Variants in A1CF observed in about 807,000 individuals in gnomAD.
The protein encoded by A1CF is APOBEC1 complementation factor.
A1CF carries 48 observed loss-of-function variants against 68.9 expected under a neutral mutation model. The ratio of observed to expected loss-of-function variants is 0.70; its 90% confidence interval spans 0.55 to 0.89. The LOEUF is 0.89. Ranked by LOEUF, A1CF falls within the 40% of genes least tolerant of loss-of-function variation. The pLI is 0.00. For synonymous variants in A1CF, 272 were observed against 260.4 expected, an observed-to-expected ratio of 1.04 and a Z score of -0.43; for missense variants, 653 against 718.9, an observed-to-expected ratio of 0.91 and a Z score of 1.05.
In A1CF at chr10:50,849,825, G is replaced by A. The variant is rs1355321441; in HGVS notation, c.100-5703C>T. Among the ~76,000 whole-genome samples the A allele has an allele frequency of 8.7e-5, 10 of 114,572 alleles. 1 individual carries two copies. The Admixed American group carries it at 1.3e-3, about 14-fold the overall frequency. The allele number at this position is 114,572 out of a possible 152,430, so 75.2% of individuals were successfully genotyped here. Reference sequence around the variant, plus strand: ...TTTTTTTTTTTTGAGACGGAGTCTCGCTCTGTCGCCCAGGCTGGAGTGCAG... The same window carrying A: ...TTTTTTTTTTTTGAGACGGAGTCTCACTCTGTCGCCCAGGCTGGAGTGCAG... On this transcript the variant is annotated intron_variant, in intron 3 of 12. Transcript: ENST00000373997.
At chr10:50,828,057 G>A (rs993188944) in intron 7 of A1CF, 74 bp downstream of exon 7, 14 of 1,109,198 alleles carry the variant, frequency 1.3e-5, no homozygotes, top group Admixed American at 2.9e-5. Context: ...CAAATTCCTC[G>A]ACACATACAC....
intron 1 of A1CF, among the ~76,000 whole-genome samples, chr10:50,876,010 C>T (rs1346573581): frequency 1.3e-5 from 2 of 152,192 alleles, no homozygotes; most frequent in Non-Finnish European, 2.9e-5. Flanking sequence ...TCCATCAGGT[C>T]TCCTAGGCAC....
At chr10:50,841,613 T>C (rs1839781491) in intron 5 of A1CF, among the ~76,000 whole-genome samples, 1 of 152,212 alleles carries the variant, frequency 6.6e-6, no homozygotes, top group Admixed American at 6.5e-5. Flanking sequence ...GCCCAATATA[T>C]ATTTATGAAA....
intron 3 of A1CF, among the ~76,000 whole-genome samples, chr10:50,854,020 T>G (rs960701095): frequency 1.3e-5 from 2 of 152,030 alleles, no homozygotes; most frequent in Admixed American, 6.6e-5. Context: ...AATAGTCTAG[T>G]GAACCTAGGG....
At chr10:50,826,464 G>T (rs1415829909) in intron 7 of A1CF, among the ~76,000 whole-genome samples, 1 of 152,098 alleles carries the variant, frequency 6.6e-6, no homozygotes. Flanking sequence ...AGGAGAGAGT[G>T]GGGGCCAATA....
intron 5 of A1CF, among the ~76,000 whole-genome samples, chr10:50,836,772 G>A (rs1018342448): frequency 7.0e-6 from 1 of 143,836 alleles, no homozygotes; most frequent in South Asian, 2.2e-4. Flanking sequence ...TCCCACCTAT[G>A]AGTGAGAACA....
intron 6 of A1CF, among the ~76,000 whole-genome samples, chr10:50,833,636 C>G (rs1425257782): frequency 1.3e-5 from 2 of 152,200 alleles, no homozygotes; most frequent in African/African-American, 4.8e-5. Flanking sequence ...TTTTTCTCAA[C>G]AGTCTCCTTG....
chr10:50,858,865 T>C (rs2132523012), intron 3 of A1CF, among the ~76,000 whole-genome samples: 1 of 152,194 alleles, frequency 6.6e-6, no homozygotes, highest in South Asian at 2.1e-4. Context: ...ATAGAAACTT[T>C]TTGAAATCTT....
At chr10:50,866,532 C>T (rs1399779037) in intron 1 of A1CF, among the ~76,000 whole-genome samples, 1 of 152,158 alleles carries the variant, frequency 6.6e-6, no homozygotes, top group African/African-American at 2.4e-5. Context: ...GGTCCAGTTT[C>T]AGGGAAGTTG....
intron 5 of A1CF, among the ~76,000 whole-genome samples, chr10:50,837,417 C>A (rs944009131): frequency 1.3e-5 from 2 of 152,156 alleles, no homozygotes; most frequent in Non-Finnish European, 2.9e-5. Flanking sequence ...TAAGTGTGCA[C>A]AACCTTTGAC....
At chr10:50,872,338 G>A (rs192133242) in intron 1 of A1CF, among the ~76,000 whole-genome samples, 1 of 152,248 alleles carries the variant, frequency 6.6e-6, no homozygotes, top group Non-Finnish European at 1.5e-5. Context: ...CAGTGATGTA[G>A]CTATTATTAT....
rs994263533 is a variant in A1CF at position 50,802,166 on chromosome 10, T to A, written c.*4563A>T. On this transcript the variant is annotated 3_prime_UTR_variant, in exon 13 of 13. Transcript: ENST00000373997. ...TAGTTTCACTCATTATAGCGCAACTTACTTTGTTTTTCTAATGTTGGCAAA... is the reference window on the plus strand; with the variant it reads ...TAGTTTCACTCATTATAGCGCAACTAACTTTGTTTTTCTAATGTTGGCAAA... The A allele has an allele frequency of 3.9e-5, 6 of 152,200 alleles. No homozygotes were observed. The highest frequency in any genetic ancestry group is 1.4e-4 in the African/African-American group (6 of 41,466). 9.4% of individuals were successfully genotyped at this position (152,200 alleles called of 1,614,324 possible).
At chr10:50,829,568 G>A (rs1222138484) in intron 6 of A1CF, among the ~76,000 whole-genome samples, 1 of 152,140 alleles carries the variant, frequency 6.6e-6, no homozygotes, top group Non-Finnish European at 1.5e-5. Context: ...TGAAGAATAG[G>A]CATGTCTTAA....
At chr10:50,820,922 A>G (rs1838627544) in intron 7 of A1CF, among the ~76,000 whole-genome samples, 1 of 152,068 alleles carries the variant, frequency 6.6e-6, no homozygotes, top group Non-Finnish European at 1.5e-5. Flanking sequence ...CTTCTTTTGC[A>G]TTTTATGTAA....
Position 50,800,815 on chromosome 10 carries a change from G to A in A1CF, c.*5914C>T, listed in dbSNP as rs924040791. The A allele has an allele frequency of 9.9e-5, 15 of 152,190 alleles. No homozygotes were observed. Among genetic ancestry groups the A allele is most frequent in the African/African-American group, 3.4e-4 (14 of 41,536 alleles). The allele number at this position is 152,190 out of a possible 1,614,324, so 9.4% of individuals were successfully genotyped here. On this transcript the variant is annotated 3_prime_UTR_variant, in exon 13 of 13. Coordinates refer to ENST00000373997, the MANE Select transcript of A1CF (RefSeq NM_014576.4). ...ATATGACGTGATGTGAGGATTTTTC[G>A]TGAAGAATGGTTGATGAACAATCAT...
In A1CF at chr10:50,809,946, A is replaced by T; in HGVS notation, c.1557T>A (p.Asp519Glu). 6.2e-7 allele frequency: 1 copy of T among 1,614,028 alleles called. No individual in the cohort carries two copies. The change falls in exon 12 of 13, where the codon GAT (aspartate) becomes GAA (glutamate). Residue 519 changes from aspartate (D) to glutamate (E), a missense_variant. Asp to Glu is a conservative substitution (Grantham distance 45). Coordinates refer to ENST00000373997, the MANE Select transcript of A1CF (RefSeq NM_014576.4). Reference protein sequence around the residue: ...YTLQTLGIPTDGGDGTMATAA... With the variant: ...YTLQTLGIPTEGGDGTMATAA... Reference sequence around the variant, plus strand: ...CAGTAGCCATGGTGCCATCGCCTCCATCAGTGGGGATGCCCAGGGTCTGCA... The same window carrying T: ...CAGTAGCCATGGTGCCATCGCCTCCTTCAGTGGGGATGCCCAGGGTCTGCA...
chr10:50,809,085 A>G (rs1266299125), intron 12 of A1CF, among the ~76,000 whole-genome samples: 2 of 152,138 alleles, frequency 1.3e-5, no homozygotes, highest in Non-Finnish European at 2.9e-5. Flanking sequence ...GGTCCCCTTC[A>G]ATCTCTAAAG....
intron 5 of A1CF, among the ~76,000 whole-genome samples, chr10:50,840,240 AC>A (rs1839711718): frequency 6.6e-6 from 1 of 152,078 alleles, no homozygotes; most frequent in East Asian, 1.9e-4. Context: ...AAAAAAAAAA[AC>A]TGCATCTAGA....
At chr10:50,876,694 G>A (rs906593787) in intron 1 of A1CF, among the ~76,000 whole-genome samples, 9 of 152,084 alleles carry the variant, frequency 5.9e-5, no homozygotes, top group African/African-American at 2.4e-5. Context: ...CTTTGGACTT[G>A]GGCTGGAACT....
Sources: gnomAD v4.1 joint callset for allele counts (sites outside exome capture counted in the v4.1 genomes callset) on GRCh38, gnomAD v4.1.1 for gene constraint, MANE v1.5 for transcripts, NCBI Gene and HGNC (gene_info 2026-07-23, HGNC 2026-07-21) for gene names.